CSMD1: variants seen among roughly 807,000 people sequenced by gnomAD.
The protein encoded by CSMD1 is CUB and Sushi multiple domains 1.
CSMD1 carries 213 observed loss-of-function variants against 417.5 expected under a neutral mutation model. The ratio of observed to expected loss-of-function variants is 0.51; its 90% CI spans 0.46 to 0.57. CSMD1 has a LOEUF of 0.57. Among genes scored for constraint, CSMD1 ranks in the 20% least tolerant of loss-of-function variants. The probability of loss-of-function intolerance (pLI) is 0.00; values close to 1 mark genes in which losing one functional copy is unlikely to be tolerated. For missense variants in CSMD1, 6,923 were observed against 4,529.7 expected (o/e 1.53, Z -15.17); for synonymous variants, 2,862 against 1,736.8 (o/e 1.65, Z -16.11).
At chr8:4,023,833 G>T (rs1161554345) in intron 4 of CSMD1, among the ~76,000 whole-genome samples, 1 of 135,134 alleles carries the variant, frequency 7.4e-6, no homozygotes, top group Non-Finnish European at 1.5e-5. Flanking sequence ...TAGCCAGGAT[G>T]GCCTCGATCT....
chr8:4,844,485 C>G (rs532919046), intron 1 of CSMD1, among the ~76,000 whole-genome samples: 4 of 152,048 alleles, frequency 2.6e-5, no homozygotes, highest in African/African-American at 9.7e-5. Flanking sequence ...TCATAACAGC[C>G]TCAATCAGCA....
At chr8:3,415,023 C>T (rs1296489336) in intron 12 of CSMD1, among the ~76,000 whole-genome samples, 1 of 152,180 alleles carries the variant, frequency 6.6e-6, no homozygotes, top group Non-Finnish European at 1.5e-5. Context: ...TCTGTAGCAC[C>T]TGTTCAGAGT....
At chr8:3,725,909 T>C (rs1293329183) in intron 6 of CSMD1, among the ~76,000 whole-genome samples, 2 of 152,288 alleles carry the variant, frequency 1.3e-5, no homozygotes, top group African/African-American at 4.8e-5. Context: ...GCCTACTCCT[T>C]CTTTCTTTGA....
intron 12 of CSMD1, among the ~76,000 whole-genome samples, chr8:3,413,452 C>A (rs1280493085): frequency 6.6e-6 from 1 of 152,134 alleles, no homozygotes; most frequent in Non-Finnish European, 1.5e-5. Flanking sequence ...GTGGACAGAA[C>A]CTGTGTTGGA....
At chr8:3,104,983 G>A (rs1282311110) in intron 46 of CSMD1, among the ~76,000 whole-genome samples, 1 of 152,190 alleles carries the variant, frequency 6.6e-6, no homozygotes, top group East Asian at 1.9e-4. Context: ...TGGGATTACA[G>A]GCGTGCGCCA....
intron 4 of CSMD1, among the ~76,000 whole-genome samples, chr8:4,021,956 G>C (rs958617026): frequency 7.2e-5 from 11 of 151,764 alleles, no homozygotes; most frequent in Admixed American, 5.3e-4. Flanking sequence ...TTTTCAACTA[G>C]CTTCAGTCAA....
intron 3 of CSMD1, among the ~76,000 whole-genome samples, chr8:4,392,882 T>A (rs147284182): frequency 6.6e-6 from 1 of 151,748 alleles, no homozygotes; most frequent in African/African-American, 2.4e-5. Flanking sequence ...GGCAGGAGAA[T>A]TGCTTGAACC....
chr8:4,026,915 C>A (rs931917987), intron 4 of CSMD1, among the ~76,000 whole-genome samples: 16 of 148,114 alleles, frequency 1.1e-4, no homozygotes, highest in Admixed American at 8.6e-4. Context: ...TCTTTAAAAA[C>A]CAACCAAACA....
chr8:4,830,488 T>C (rs946386795), intron 1 of CSMD1, among the ~76,000 whole-genome samples: 3 of 152,198 alleles, frequency 2.0e-5, no homozygotes, highest in Non-Finnish European at 2.9e-5. Context: ...ATTGTCATCA[T>C]AGAAGAATCA....
At chr8:3,788,902 G>C (rs981961270) in intron 5 of CSMD1, among the ~76,000 whole-genome samples, 1 of 152,168 alleles carries the variant, frequency 6.6e-6, no homozygotes, top group Non-Finnish European at 1.5e-5. Context: ...AGGCTCAGAG[G>C]AGGAAAGGGA....
chr8:4,541,373 T>A (rs1797375445), intron 2 of CSMD1, among the ~76,000 whole-genome samples: 1 of 152,182 alleles, frequency 6.6e-6, no homozygotes, highest in East Asian at 1.9e-4. Flanking sequence ...TTAAAGTGTT[T>A]TTATAGTTTT....
chr8:4,546,799 T>C (rs1244556005), intron 2 of CSMD1, among the ~76,000 whole-genome samples: 2 of 151,896 alleles, frequency 1.3e-5, no homozygotes, highest in Admixed American at 6.6e-5. Flanking sequence ...TAAAAATATA[T>C]GCATAGTTAT....
At chr8:4,441,007 AAT>A (rs1491559549) in intron 2 of CSMD1, among the ~76,000 whole-genome samples, 1 of 151,356 alleles carries the variant, frequency 6.6e-6, no homozygotes, top group Non-Finnish European at 1.5e-5. Flanking sequence ...AAAAAAAAAA[AAT>A]TAAAAATATT....
At chr8:4,356,411 G>T (rs761921604) in intron 3 of CSMD1, among the ~76,000 whole-genome samples, 2 of 152,024 alleles carry the variant, frequency 1.3e-5, no homozygotes, top group Admixed American at 6.6e-5. Context: ...TTTTGCAATT[G>T]TCAATTGTGC....
At chr8:4,635,531 C>T (rs2617000) in intron 2 of CSMD1, among the ~76,000 whole-genome samples, 109,472 of 151,896 alleles carry the variant, frequency 0.72, 39,772 homozygotes, top group Middle Eastern at 0.79. Context: ...AAAATGGAAA[C>T]ATTTTTAAGA....
At chr8:3,192,922 G>A (rs1796504784) in intron 33 of CSMD1, among the ~76,000 whole-genome samples, 1 of 138,056 alleles carries the variant, frequency 7.2e-6, no homozygotes, top group Non-Finnish European at 1.6e-5. Context: ...TATTAGAGTT[G>A]AATAATGGCA....
intron 30 of CSMD1, among the ~76,000 whole-genome samples, chr8:3,211,899 C>T: frequency 6.6e-6 from 1 of 152,334 alleles, no homozygotes; most frequent in Admixed American, 6.5e-5. Flanking sequence ...GAGGGGCACC[C>T]AGGCTGGTGG....
intron 1 of CSMD1, among the ~76,000 whole-genome samples, chr8:4,675,052 G>A (rs1341607006): frequency 6.6e-6 from 1 of 152,168 alleles, no homozygotes; most frequent in African/African-American, 2.4e-5. Flanking sequence ...TGGACGCACA[G>A]GGCTCCAGAA....
intron 8 of CSMD1, among the ~76,000 whole-genome samples, chr8:3,611,180 T>A (rs910052956): frequency 4.6e-5 from 7 of 151,462 alleles, no homozygotes; most frequent in Non-Finnish European, 8.8e-5. Flanking sequence ...CATGTATACA[T>A]ACGTAACTAA....
Sources: allele counts gnomAD v4.1 joint callset (sites outside exome capture counted in the v4.1 genomes callset), GRCh38; gene constraint gnomAD v4.1.1; transcripts MANE v1.5; gene names NCBI Gene and HGNC (gene_info 2026-07-23, HGNC 2026-07-21).